Variants in SOX6 observed in about 807,000 individuals in gnomAD.
SOX6 encodes SRY-box transcription factor 6, also known as transcription factor SOX-6.
SOX6 carries 11 observed loss-of-function variants against 97.8 expected under a neutral mutation model. The ratio of observed to expected loss-of-function variants is 0.11; its 90% CI spans 0.07 to 0.19. The LOEUF (loss-of-function observed/expected upper bound fraction) is 0.19. SOX6 is among the 10% of genes least tolerant of loss of function. SOX6 has a pLI of 1.00. For missense variants in SOX6, 810 were observed against 1,039.5 expected, an observed-to-expected ratio of 0.78 and a Z score of 3.04; for synonymous variants, 360 against 371.4, an observed-to-expected ratio of 0.97 and a Z score of 0.35.
intron 6 of SOX6, among the ~76,000 whole-genome samples, chr11:16,113,810 C>T (rs1318982942): frequency 1.3e-5 from 2 of 151,994 alleles, no homozygotes; most frequent in Non-Finnish European, 2.9e-5. Flanking sequence ...TGAGAAGTAG[C>T]TGAAGATGTT....
At chr11:16,499,247 TC>T (rs1432646424) in intron 4 of SOX6, among the ~76,000 whole-genome samples, 1 of 152,096 alleles carries the variant, frequency 6.6e-6, no homozygotes, top group African/African-American at 2.4e-5. Context: ...ATAAAGATGT[TC>T]TTTGAAACCA....
chr11:16,731,219 G>C (rs1375315435), intron 2 of SOX6, among the ~76,000 whole-genome samples: 1 of 150,076 alleles, frequency 6.7e-6, no homozygotes, highest in Non-Finnish European at 1.5e-5. Flanking sequence ...AATAGAAAAA[G>C]AGCGACTCCT....
chr11:16,054,790 A>G (rs1847774068), intron 10 of SOX6, among the ~76,000 whole-genome samples: 1 of 152,196 alleles, frequency 6.6e-6, no homozygotes, highest in African/African-American at 2.4e-5. Context: ...AGATAAGTCA[A>G]TTATACAAAA....
intron 9 of SOX6, among the ~76,000 whole-genome samples, chr11:16,064,198 G>A (rs1848035029): frequency 6.6e-6 from 1 of 151,630 alleles, no homozygotes; most frequent in Non-Finnish European, 1.5e-5. Flanking sequence ...CACATTAATA[G>A]ACTGATAAGA....
intron 1 of SOX6, among the ~76,000 whole-genome samples, chr11:16,437,026 G>A (rs1385220913): frequency 1.3e-5 from 2 of 151,848 alleles, no homozygotes; most frequent in Admixed American, 6.6e-5. Flanking sequence ...GGAGGCCAAG[G>A]TGGGAGGATT....
intron 12 of SOX6, among the ~76,000 whole-genome samples, chr11:16,033,949 G>C (rs1483075828): frequency 1.3e-5 from 2 of 151,932 alleles, no homozygotes; most frequent in Non-Finnish European, 2.9e-5. Context: ...AAAAGAAGCA[G>C]AGAACTCATG....
At position 16,610,195 on chromosome 11, in the gene SOX6, A is replaced by T. The variant is rs1848380062; in HGVS notation, n.609+1886T>A. Among the ~76,000 whole-genome samples the T allele has an allele frequency of 6.6e-6, 1 of 152,196 alleles. No homozygotes were observed. The highest frequency in any genetic ancestry group is 6.5e-5 in the Admixed American group (1 of 15,278). On this transcript the variant is annotated intron_variant and non_coding_transcript_variant, in intron 4 of 5. Transcript: ENST00000524520. This position sits in a 1 kb window ranked among gnomAD's most constrained non-coding sequence, Gnocchi z 4.4. Reference sequence around the variant, plus strand: ...AACAAGGGCCATAAAACCTCTCCAAAGCCTAAAGAGGTCATCATTGAAGGA... The same window carrying T: ...AACAAGGGCCATAAAACCTCTCCAATGCCTAAAGAGGTCATCATTGAAGGA...
At chr11:16,514,594 G>C (rs1329165277) in intron 4 of SOX6, among the ~76,000 whole-genome samples, 2 of 150,494 alleles carry the variant, frequency 1.3e-5, no homozygotes, top group Admixed American at 6.6e-5. Context: ...TGTGCACATT[G>C]TGCAGGTTAG....
intron 3 of SOX6, among the ~76,000 whole-genome samples, chr11:16,251,006 A>G (rs951954131): frequency 6.6e-6 from 1 of 152,158 alleles, no homozygotes; most frequent in Non-Finnish European, 1.5e-5. Flanking sequence ...TGTAATAGAA[A>G]TATAACTAGA....
At chr11:16,205,237 T>A (rs1223673613) in intron 4 of SOX6, among the ~76,000 whole-genome samples, 2 of 152,110 alleles carry the variant, frequency 1.3e-5, no homozygotes, top group Admixed American at 1.3e-4. Flanking sequence ...GGGAGGAGAT[T>A]AACCATAGTT....
chr11:16,093,788 T>C (rs1232587218), intron 9 of SOX6, among the ~76,000 whole-genome samples: 2 of 151,740 alleles, frequency 1.3e-5, no homozygotes, highest in Non-Finnish European at 2.9e-5. Flanking sequence ...AGAAAGCAGA[T>C]TTAAATAACA....
intron 4 of SOX6, among the ~76,000 whole-genome samples, chr11:16,539,793 G>A (rs1211892298): frequency 6.6e-6 from 1 of 152,138 alleles, no homozygotes; most frequent in African/African-American, 2.4e-5. Context: ...TCTCTGAATA[G>A]ACCAATAACA....
intron 4 of SOX6, among the ~76,000 whole-genome samples, chr11:16,498,055 C>T (rs4639898): frequency 2.0e-5 from 3 of 151,958 alleles, no homozygotes; most frequent in South Asian, 2.1e-4. Context: ...AAATATTAAG[C>T]GAAGCCAGAG....
In SOX6 at chr11:16,371,365, T is replaced by C. The variant is rs143031589; in HGVS notation, c.-4-30113A>G. On this transcript the variant is annotated intron_variant, in intron 1 of 15. Coordinates refer to the SOX6 transcript ENST00000396356. ...CCTCCCTGACTATCCTATTTAAAGT[T>C]GCACATATACCTCCACCCTGGGTGC... Among the ~76,000 whole-genome samples the C allele has an allele frequency of 3.7e-3, 561 of 152,268 alleles. 2 individuals carry two copies. Among genetic ancestry groups the C allele is most frequent in the African/African-American group, 0.012 (492 of 41,554 alleles).
intron 4 of SOX6, among the ~76,000 whole-genome samples, chr11:16,516,062 T>C (rs369266089): frequency 0.1 from 15,834 of 150,928 alleles, 893 homozygotes; most frequent in Non-Finnish European, 0.14. Context: ...AACTTTAAAG[T>C]AGTTTTTTCC....
chr11:16,322,309 G>T (rs1208335937), intron 2 of SOX6, among the ~76,000 whole-genome samples: 6 of 151,980 alleles, frequency 3.9e-5, no homozygotes, highest in African/African-American at 1.4e-4. Flanking sequence ...CATGAGATCT[G>T]GTTGTTAAAA....
chr11:16,707,144 T>G (rs1271600101), intron 3 of SOX6, among the ~76,000 whole-genome samples: 2 of 152,176 alleles, frequency 1.3e-5, no homozygotes, highest in Admixed American at 1.3e-4. Context: ...ATCCTTAATA[T>G]GGAATTTCAG....
At chr11:16,264,274 T>C (rs1166480534) in intron 3 of SOX6, among the ~76,000 whole-genome samples, 7 of 152,004 alleles carry the variant, frequency 4.6e-5, no homozygotes, top group African/African-American at 1.7e-4. Context: ...CTCTGTTTCT[T>C]TCTGCACAAT....
chr11:16,536,384 T>C (rs34241215), intron 4 of SOX6, among the ~76,000 whole-genome samples: 22,728 of 152,004 alleles, frequency 0.15, 1,784 homozygotes, highest in Non-Finnish European at 0.16. Context: ...CCCGGCGAGA[T>C]TGACGCAGAA....
Sources: allele counts gnomAD v4.1 joint callset (sites outside exome capture counted in the v4.1 genomes callset), GRCh38; gene constraint gnomAD v4.1.1; non-coding constraint Gnocchi (gnomAD v3.1); transcripts MANE v1.5; gene names NCBI Gene and HGNC (gene_info 2026-07-23, HGNC 2026-07-21).